Variants in RANBP2 observed in about 807,000 individuals in gnomAD.
RANBP2 encodes RAN binding protein 2.
In RANBP2, 57 loss-of-function variants were observed where a neutral mutation model predicts 303.6. The ratio of observed to expected loss-of-function variants is 0.19; its 90% CI spans 0.15 to 0.23. The LOEUF (loss-of-function observed/expected upper bound fraction) is 0.23. Among genes scored for constraint, RANBP2 ranks in the 10% least tolerant of loss-of-function variants. The pLI, the probability that RANBP2 is intolerant of heterozygous loss-of-function variation, is 1.00. For synonymous variants in RANBP2, 1,167 were observed against 1,301.5 expected (o/e 0.90, Z 2.23); for missense variants, 3,138 against 3,780.8 (o/e 0.83, Z 4.46).
At chr2:108,886,509 G>A in the RANBP2 span, among the ~76,000 whole-genome samples, 1 of 152,242 alleles carries the variant, frequency 6.6e-6, no homozygotes, top group African/African-American at 2.4e-5. Flanking sequence ...CCGCCTCTTG[G>A]GTTCACGCCG....
the RANBP2 span, among the ~76,000 whole-genome samples, chr2:109,624,935 G>A: frequency 1.3e-5 from 2 of 151,656 alleles, no homozygotes; most frequent in East Asian, 3.9e-4. Context: ...ACAAAAATTA[G>A]CCTGGAGTGG....
the RANBP2 span, among the ~76,000 whole-genome samples, chr2:109,147,845 A>G: frequency 1.3e-5 from 2 of 152,258 alleles, no homozygotes; most frequent in East Asian, 1.9e-4. Context: ...ATGAGTATGC[A>G]TATGCATTTC....
At chr2:109,071,445 G>T in the RANBP2 span, among the ~76,000 whole-genome samples, 1 of 152,172 alleles carries the variant, frequency 6.6e-6, no homozygotes, top group Non-Finnish European at 1.5e-5. Context: ...AGGCCAAGGT[G>T]GGCGGATCAC....
At chr2:109,437,023 G>A in the RANBP2 span, 10 of 1,613,838 alleles carry the variant, frequency 6.2e-6, no homozygotes, top group African/African-American at 6.7e-5. Flanking sequence ...CACCAGGCCC[G>A]CCCTGCCCAT....
the RANBP2 span, among the ~76,000 whole-genome samples, chr2:109,642,148 G>A: frequency 3.9e-5 from 6 of 151,994 alleles, no homozygotes; most frequent in East Asian, 9.7e-4. Context: ...GGCTGGTCTC[G>A]AACTCCTGAC....
At chr2:109,308,237 G>A in the RANBP2 span, among the ~76,000 whole-genome samples, 2 of 129,412 alleles carry the variant, frequency 1.5e-5, 1 homozygote, top group Non-Finnish European at 3.1e-5. Context: ...AGAAGTGTCT[G>A]TTCACATCGT....
At chr2:108,911,154 C>T in the RANBP2 span, 1 of 1,549,286 alleles carries the variant, frequency 6.5e-7, no homozygotes, top group Non-Finnish European at 8.9e-7. Context: ...CCCCTGGAAG[C>T]AATGGCCCTG....
chr2:108,927,587 C>T, the RANBP2 span, among the ~76,000 whole-genome samples: 37 of 152,272 alleles, frequency 2.4e-4, no homozygotes, highest in African/African-American at 7.2e-5. Flanking sequence ...CATAGGTCGG[C>T]GAGGTTCCGT....
the RANBP2 span, chr2:109,502,368 T>TA: frequency 2.6e-5 from 4 of 152,254 alleles, no homozygotes; most frequent in African/African-American, 9.6e-5. Flanking sequence ...TATATATTTC[T>TA]AATAGGTCAG....
At chr2:109,553,999 G>A in the RANBP2 span, among the ~76,000 whole-genome samples, 1 of 152,102 alleles carries the variant, frequency 6.6e-6, no homozygotes, top group Non-Finnish European at 1.5e-5. Context: ...ATATAAACAA[G>A]AATTAAGTTC....
the RANBP2 span, chr2:109,419,396 G>A: frequency 5.0e-6 from 4 of 806,174 alleles, no homozygotes; most frequent in African/African-American, 6.8e-5. Flanking sequence ...TGACAGTCCA[G>A]GTAGGCACAG....
chr2:109,212,483 T>TTG, the RANBP2 span, among the ~76,000 whole-genome samples: 1 of 152,218 alleles, frequency 6.6e-6, no homozygotes, highest in African/African-American at 2.4e-5. Flanking sequence ...CCTGACTGCA[T>TTG]TGTGAGGCTT....
At chr2:109,315,673 G>C in the RANBP2 span, among the ~76,000 whole-genome samples, 1 of 152,224 alleles carries the variant, frequency 6.6e-6, no homozygotes, top group Non-Finnish European at 1.5e-5. Context: ...GTCTATAAAG[G>C]GGCGAGCTCT....
the RANBP2 span, among the ~76,000 whole-genome samples, chr2:108,856,372 C>T: frequency 1.3e-5 from 2 of 152,108 alleles, no homozygotes; most frequent in African/African-American, 4.8e-5. Context: ...GTATAAATTA[C>T]ATTTTGAAGT....
At chr2:109,651,269 C>T in the RANBP2 span, among the ~76,000 whole-genome samples, 1 of 152,116 alleles carries the variant, frequency 6.6e-6, no homozygotes, top group Non-Finnish European at 1.5e-5. Flanking sequence ...ATATTACTCC[C>T]TGGCTCATGG....
At chr2:108,930,542 G>A in the RANBP2 span, among the ~76,000 whole-genome samples, 2 of 152,134 alleles carry the variant, frequency 1.3e-5, no homozygotes, top group Non-Finnish European at 2.9e-5. Context: ...ACTTGCCAAG[G>A]TCATGGAGGA....
the RANBP2 span, chr2:108,875,915 T>G: frequency 6.2e-6 from 1 of 160,822 alleles, no homozygotes; most frequent in Non-Finnish European, 1.3e-5. Context: ...GTTTATCTCA[T>G]AAAACCTATT....
At chr2:109,221,146 T>G in the RANBP2 span, among the ~76,000 whole-genome samples, 1 of 152,148 alleles carries the variant, frequency 6.6e-6, no homozygotes, top group Non-Finnish European at 1.5e-5. Flanking sequence ...ATAAGTGAGG[T>G]GCATACAAGT....
the RANBP2 span, among the ~76,000 whole-genome samples, chr2:109,635,957 T>C: frequency 6.6e-6 from 1 of 152,218 alleles, no homozygotes; most frequent in Non-Finnish European, 1.5e-5. Context: ...GTGACGGTGT[T>C]AGGAGGTGGG....
Sources: allele counts gnomAD v4.1 joint callset (sites outside exome capture counted in the v4.1 genomes callset), GRCh38; gene constraint gnomAD v4.1.1; transcripts MANE v1.5; gene names NCBI Gene and HGNC (gene_info 2026-07-23, HGNC 2026-07-21).